Variants in RABGAP1L observed in about 807,000 individuals in gnomAD.
RABGAP1L encodes RAB GTPase activating protein 1 like.
A neutral mutation model predicts 137.7 loss-of-function variants in RABGAP1L; 63 were observed. That is an observed-to-expected ratio of 0.46 (90% confidence interval 0.37 to 0.56). RABGAP1L has a LOEUF of 0.56. RABGAP1L is among the 20% of genes least tolerant of loss of function. The probability of loss-of-function intolerance (pLI) is 0.00; values close to 1 mark genes in which losing one functional copy is unlikely to be tolerated. For synonymous variants in RABGAP1L, 431 were observed against 433.7 expected (o/e 0.99, Z 0.08); for missense variants, 1,095 against 1,244.0 (o/e 0.88, Z 1.80).
chr1:174,511,337 C>T (rs1324433152), intron 13 of RABGAP1L, among the ~76,000 whole-genome samples: 1 of 152,084 alleles, frequency 6.6e-6, no homozygotes, highest in Non-Finnish European at 1.5e-5. Context: ...GATAAATATG[C>T]AATTTTCTTT....
At chr1:174,565,426 A>G (rs1667507462) in intron 13 of RABGAP1L, among the ~76,000 whole-genome samples, 1 of 152,128 alleles carries the variant, frequency 6.6e-6, no homozygotes, top group South Asian at 2.1e-4. Context: ...TCATTGCAGT[A>G]TTCTCTGCTT....
intron 1 of RABGAP1L, among the ~76,000 whole-genome samples, chr1:174,218,707 A>G (rs1241251758): frequency 6.6e-6 from 1 of 152,024 alleles, no homozygotes; most frequent in Non-Finnish European, 1.5e-5. Context: ...AAGCATTTAG[A>G]TTTAATTAAT....
At chr1:174,486,132 A>G (rs975527121) in intron 13 of RABGAP1L, among the ~76,000 whole-genome samples, 2 of 151,470 alleles carry the variant, frequency 1.3e-5, no homozygotes, top group African/African-American at 4.8e-5. Flanking sequence ...ATGTTTGCTC[A>G]TAGTAGCCAC....
chr1:174,205,401 G>T (rs1252263209), intron 1 of RABGAP1L, among the ~76,000 whole-genome samples: 1 of 151,970 alleles, frequency 6.6e-6, no homozygotes, highest in Non-Finnish European at 1.5e-5. Flanking sequence ...ATTCAGCTGT[G>T]AATCCATCAG....
At chr1:174,173,286 A>G (rs1162861252) in intron 1 of RABGAP1L, among the ~76,000 whole-genome samples, 1 of 151,648 alleles carries the variant, frequency 6.6e-6, no homozygotes, top group Non-Finnish European at 1.5e-5. Flanking sequence ...GTGCACCACC[A>G]TGCCCGGCTA....
At chr1:174,186,776 C>CT (rs748551790) in intron 1 of RABGAP1L, among the ~76,000 whole-genome samples, 12 of 152,290 alleles carry the variant, frequency 7.9e-5, no homozygotes, top group Non-Finnish European at 1.5e-4. Flanking sequence ...CATACATACA[C>CT]TTTAAACATT....
At chr1:174,211,279 C>T (rs1668865367) in intron 1 of RABGAP1L, among the ~76,000 whole-genome samples, 1 of 152,058 alleles carries the variant, frequency 6.6e-6, no homozygotes, top group African/African-American at 2.4e-5. Flanking sequence ...ATAACTGCAA[C>T]AACTTTTCAA....
chr1:174,547,929 G>A, intron 13 of RABGAP1L: 1 of 1,550,014 alleles, frequency 6.5e-7, no homozygotes, highest in East Asian at 2.4e-5. Flanking sequence ...CCTGTAACCA[G>A]CTGCAATTTG....
intron 10 of RABGAP1L, among the ~76,000 whole-genome samples, chr1:174,293,320 G>A (rs1221488408): frequency 6.6e-6 from 1 of 152,174 alleles, no homozygotes; most frequent in African/African-American, 2.4e-5. Context: ...AACAAAATAG[G>A]CTCTTGGCTG....
chr1:174,790,730 C>T (rs1054352675), intron 18 of RABGAP1L, among the ~76,000 whole-genome samples: 1 of 151,562 alleles, frequency 6.6e-6, no homozygotes, highest in Non-Finnish European at 1.5e-5. Flanking sequence ...GTGCAGAGGC[C>T]CTTCTGAAAT....
rs959911791 is a variant in RABGAP1L, at chr1:174,735,857, G to A, written c.2170-16456G>A. On this transcript the variant is annotated intron_variant, in intron 17 of 25. Coordinates refer to ENST00000681986, the MANE Select transcript of RABGAP1L (RefSeq NM_001366446.1). ...CAACAAGATCTCATGTGAACCACCA[G>A]AGCCAGAATTCACTCATCACCAAGG... 3.2e-4 allele frequency among the ~76,000 whole-genome samples: 48 copies of A among 152,078 alleles called. 1 individual carries two copies. The highest frequency in any genetic ancestry group is 5.6e-4 in the Non-Finnish European group (38 of 68,018).
chr1:174,942,169 AAG>A (rs1191653242), intron 19 of RABGAP1L, among the ~76,000 whole-genome samples: 1 of 152,202 alleles, frequency 6.6e-6, no homozygotes, highest in Non-Finnish European at 1.5e-5. Flanking sequence ...CATTAGTGCA[AAG>A]ACACACTGGG....
chr1:174,684,452 A>G (rs1438766828), intron 15 of RABGAP1L, among the ~76,000 whole-genome samples: 1 of 152,234 alleles, frequency 6.6e-6, no homozygotes. Flanking sequence ...ACAGTTTACT[A>G]TAGCAATTGT....
In RABGAP1L at chr1:174,792,123, C is replaced by T. The variant is rs982966239; in HGVS notation, c.2212-19709C>T. Among the ~76,000 whole-genome samples, 48 of 152,224 alleles carry T rather than the reference C, an allele frequency of 3.2e-4. 1 individual carries two copies. Among genetic ancestry groups the T allele is most frequent in the Non-Finnish European group, 5.6e-4 (38 of 68,038 alleles). The stretch of plus-strand genomic sequence containing the variant: ...CTCTGAATATCTTGGCTTCCTGACT[C>T]TGCCTCTGACAAGTTTTATGATGAT... On this transcript the variant is annotated intron_variant, in intron 18 of 25. Transcript: ENST00000681986.
chr1:174,197,297 G>C (rs1667760153), intron 1 of RABGAP1L, among the ~76,000 whole-genome samples: 2 of 152,200 alleles, frequency 1.3e-5, no homozygotes. Context: ...GACTCCAGCA[G>C]TTGAGTGTCA....
intron 11 of RABGAP1L, among the ~76,000 whole-genome samples, chr1:174,336,670 A>C (rs577877252): frequency 1.3e-5 from 2 of 152,168 alleles, no homozygotes. Context: ...TCCTGGTTAC[A>C]CCATGGTTTG....
At chr1:174,726,251 G>A (rs1046568862) in intron 17 of RABGAP1L, among the ~76,000 whole-genome samples, 1 of 151,718 alleles carries the variant, frequency 6.6e-6, no homozygotes, top group Non-Finnish European at 1.5e-5. Context: ...TGACTTTTGG[G>A]CTAACATCTC....
chr1:174,601,360 T>C (rs1211696341), intron 13 of RABGAP1L, among the ~76,000 whole-genome samples: 1 of 152,206 alleles, frequency 6.6e-6, no homozygotes, highest in African/African-American at 2.4e-5. Flanking sequence ...CTTATGCAAA[T>C]TTCTGTAGCC....
intron 11 of RABGAP1L, among the ~76,000 whole-genome samples, chr1:174,331,820 C>T (rs1242841683): frequency 7.5e-6 from 1 of 132,486 alleles, no homozygotes; most frequent in Non-Finnish European, 1.6e-5. Flanking sequence ...AATGCTATCC[C>T]TCCCCCTCCC....
Sources: allele counts gnomAD v4.1 joint callset (sites outside exome capture counted in the v4.1 genomes callset), GRCh38; gene constraint gnomAD v4.1.1; transcripts MANE v1.5; gene names NCBI Gene and HGNC (gene_info 2026-07-23, HGNC 2026-07-21).